Variants in PTK2 observed in about 807,000 individuals in gnomAD.
PTK2 encodes protein tyrosine kinase 2, also known as focal adhesion kinase 1.
Under a neutral mutation model 150.1 loss-of-function variants are expected in PTK2, and 45 were observed. The observed-to-expected ratio is 0.30, with a 90% confidence interval of 0.24 to 0.38. PTK2 has a LOEUF of 0.38. Ranked by LOEUF, PTK2 falls within the 10% of genes least tolerant of loss-of-function variation. The pLI, the probability that PTK2 is intolerant of heterozygous loss-of-function variation, is 1.00. For synonymous variants in PTK2, 432 were observed against 449.2 expected (o/e 0.96, Z 0.48); for missense variants, 919 against 1,307.3 (o/e 0.70, Z 4.58).
rs563710804 is a variant in PTK2 at position 140,764,213 on chromosome 8, C to T, written c.1234+21G>A. On this transcript the variant is annotated intron_variant, in intron 15 of 31. Transcript: ENST00000522684. ...GGCATCTGTCAAGTCTGAGCAAGAA[C>T]AAAATCAGAAGTTTACTTACTTGAG... 31 of 1,594,558 alleles carry T rather than the reference C, an allele frequency of 1.9e-5. No homozygotes were observed. In the South Asian group the frequency reaches 3.2e-4, roughly 16 times the overall value.
intron 1 of PTK2, among the ~76,000 whole-genome samples, chr8:140,927,940 GAAAAAAAAAAAAA>G (rs779534564): frequency 2.8e-5 from 1 of 36,274 alleles, no homozygotes; most frequent in African/African-American, 1.1e-4. Flanking sequence ...ATCTCAAAAA[GAAAAAAAAAAAAA>G]AAAAGAAAAA....
intron 1 of PTK2, among the ~76,000 whole-genome samples, chr8:140,947,378 G>A (rs550403838): frequency 6.6e-6 from 1 of 152,308 alleles, no homozygotes; most frequent in Admixed American, 6.5e-5. Flanking sequence ...CTGAGGATAA[G>A]AAAAATAAAA....
chr8:140,702,487 T>G, intron 25 of PTK2, 83 bp downstream of exon 28: 1 of 1,496,924 alleles, frequency 6.7e-7, no homozygotes, highest in Non-Finnish European at 9.1e-7. Flanking sequence ...CCAAAAGTGC[T>G]AGGATTACAA....
At position 140,669,715 on chromosome 8, in the gene PTK2, C is replaced by T. The variant is rs144739889; in HGVS notation, c.2710-1291G>A. The T allele has an allele frequency of 7.7e-4, 1,183 of 1,533,378 alleles. 1 individual carries two copies. The highest frequency in any genetic ancestry group is 9.6e-4 in the Non-Finnish European group (1,098 of 1,144,734). 95.0% of individuals were successfully genotyped at this position (1,533,378 alleles called of 1,614,324 possible). On this transcript the variant is annotated intron_variant, in intron 29 of 31. Transcript: ENST00000522684. ...AGAGCTGGACAGACACACAAAGACA[C>T]GATGTGCTTACCCTCCATGGCTATT...
chr8:140,808,722 T>G (rs2100099604), intron 10 of PTK2, among the ~76,000 whole-genome samples: 2 of 149,916 alleles, frequency 1.3e-5, no homozygotes, highest in Non-Finnish European at 1.5e-5. Flanking sequence ...AAAAATAAAA[T>G]TTTTGTTCTT....
intron 1 of PTK2, among the ~76,000 whole-genome samples, chr8:140,938,702 G>A (rs2100174586): frequency 6.6e-6 from 1 of 152,018 alleles, no homozygotes; most frequent in Non-Finnish European, 1.5e-5. Context: ...CCACCCCTTG[G>A]GTAAATGTCT....
Position 140,800,451 on chromosome 8 carries a change from C to T in PTK2, c.1093+8G>A. ...CGCAATTGGGAATGCTCAGAAACAGCACCTCACCTTTCTGAGGTCTGATGA... is the reference window on the plus strand; with the variant it reads ...CGCAATTGGGAATGCTCAGAAACAGTACCTCACCTTTCTGAGGTCTGATGA... On this transcript the variant is annotated splice_region_variant and intron_variant, in intron 12 of 31. Transcript: ENST00000522684. 1.3e-6 allele frequency: 2 copies of T among 1,597,312 alleles called. No homozygotes were observed. The highest frequency in any genetic ancestry group is 1.7e-6 in the Non-Finnish European group (2 of 1,164,780).
chr8:140,697,614 G>A (rs992804755), intron 26 of PTK2, among the ~76,000 whole-genome samples: 1 of 152,046 alleles, frequency 6.6e-6, no homozygotes, highest in Admixed American at 6.6e-5. Flanking sequence ...AGTACAGATG[G>A]GGTTTCACCA....
intron 30 of PTK2, among the ~76,000 whole-genome samples, chr8:140,666,940 AAAGG>A (rs2092413581): frequency 6.6e-6 from 1 of 152,222 alleles, no homozygotes; most frequent in Non-Finnish European, 1.5e-5. Flanking sequence ...TCTGCCCTAA[AAAGG>A]AAGAAAATTC....
At chr8:140,768,096 T>A (rs1363031793) in intron 14 of PTK2, among the ~76,000 whole-genome samples, 2 of 152,162 alleles carry the variant, frequency 1.3e-5, no homozygotes, top group Non-Finnish European at 2.9e-5. Context: ...CTAATCATAT[T>A]ATTGGGAGCT....
chr8:140,826,590 G>A (rs1231759073), intron 8 of PTK2, among the ~76,000 whole-genome samples: 2 of 152,160 alleles, frequency 1.3e-5, no homozygotes, highest in African/African-American at 4.8e-5. Flanking sequence ...AAAATCAGCA[G>A]CAATTGAATT....
intron 14 of PTK2, among the ~76,000 whole-genome samples, 179 bp downstream of exon 16, chr8:140,769,396 T>G (rs77730437): frequency 0.016 from 2,410 of 152,334 alleles, 66 homozygotes; most frequent in African/African-American, 0.054. Context: ...ATTAAGAAAT[T>G]GATAGTTATC....
intron 2 of PTK2, among the ~76,000 whole-genome samples, chr8:140,900,612 C>T (rs2100158071): frequency 6.6e-6 from 1 of 151,966 alleles, no homozygotes; most frequent in Non-Finnish European, 1.5e-5. Context: ...ATCCCAGCTA[C>T]TCGAGAAGCT....
At position 140,800,089 on chromosome 8, in the gene PTK2, A is replaced by G. The variant is rs530412383; in HGVS notation, c.1093+370T>C. The stretch of plus-strand genomic sequence containing the variant: ...AGATATATAAGAAAAAGTAGAAAGG[A>G]CACTTTATTTATAGTGAGTTATAAC... On this transcript the variant is annotated intron_variant, in intron 12 of 31. Coordinates refer to ENST00000522684, the Ensembl canonical transcript of PTK2. 9.8e-5 allele frequency among the ~76,000 whole-genome samples: 15 copies of G among 152,346 alleles called. No homozygotes were observed. The East Asian group carries it at 1.2e-3, about 12-fold the overall frequency.
intron 14 of PTK2, among the ~76,000 whole-genome samples, chr8:140,777,605 A>G (rs1289688332): frequency 2.6e-5 from 4 of 152,224 alleles, no homozygotes; most frequent in South Asian, 4.1e-4. Flanking sequence ...TAGCAAGTCA[A>G]ATAGCCAGAC....
intron 1 of PTK2, among the ~76,000 whole-genome samples, chr8:140,983,380 CAAA>C (rs34040387): frequency 1.3e-5 from 1 of 78,514 alleles, no homozygotes. Flanking sequence ...GACTCCATCT[CAAA>C]AAAAAAAAAA....
chr8:140,668,488 A>C, intron 29 of PTK2, 64 bp from the exon 34 acceptor site: 1 of 1,521,510 alleles, frequency 6.6e-7, no homozygotes, highest in Middle Eastern at 2.3e-4. Flanking sequence ...CACCACAATC[A>C]AGCTAGAGAG....
At chr8:140,688,863 A>G (rs1207484198) in intron 26 of PTK2, among the ~76,000 whole-genome samples, 1 of 152,244 alleles carries the variant, frequency 6.6e-6, no homozygotes, top group East Asian at 1.9e-4. Context: ...TTCTTACTGC[A>G]GATGTGATAT....
At chr8:140,725,773 A>G (rs1056189450) in intron 22 of PTK2, among the ~76,000 whole-genome samples, 1 of 151,930 alleles carries the variant, frequency 6.6e-6, no homozygotes, top group Admixed American at 6.6e-5. Context: ...TGCTGCTCAC[A>G]GCGGAAAGAG....
Sources: gnomAD v4.1 joint callset for allele counts (sites outside exome capture counted in the v4.1 genomes callset) on GRCh38, gnomAD v4.1.1 for gene constraint, MANE v1.5 for transcripts, NCBI Gene and HGNC (gene_info 2026-07-23, HGNC 2026-07-21) for gene names.